The following RBFOX2 variants were observed in gnomAD, a reference collection of about 807,000 sequenced individuals.
RBFOX2 encodes RNA binding fox-1 homolog 2.
In RBFOX2, 10 loss-of-function variants were observed where a neutral mutation model predicts 49.1. The ratio of observed to expected loss-of-function variants is 0.20; its 90% confidence interval spans 0.13 to 0.35. The LOEUF (loss-of-function observed/expected upper bound fraction) is 0.35. Ranked by LOEUF, RBFOX2 falls within the 10% of genes least tolerant of loss-of-function variation. The pLI, the probability that RBFOX2 is intolerant of heterozygous loss-of-function variation, is 1.00. For missense variants in RBFOX2, 323 were observed against 486.9 expected, an observed-to-expected ratio of 0.66 and a Z score of 3.17; for synonymous variants, 183 against 187.4, an observed-to-expected ratio of 0.98 and a Z score of 0.19.
At chr22:35,990,173 CTCTG>C (rs1175185688) in intron 1 of RBFOX2, among the ~76,000 whole-genome samples, 2 of 152,146 alleles carry the variant, frequency 1.3e-5, no homozygotes, top group African/African-American at 4.8e-5. Flanking sequence ...CAGAGTGAGA[CTCTG>C]TCTAAAAACA....
intron 1 of RBFOX2, among the ~76,000 whole-genome samples, chr22:35,966,998 T>C (rs1374250570): frequency 6.7e-6 from 1 of 149,906 alleles, no homozygotes; most frequent in Non-Finnish European, 1.5e-5. Context: ...AAAAAAAAAA[T>C]TGTAGAGATG....
upstream of RBFOX2, among the ~76,000 whole-genome samples, chr22:35,843,028 C>T (rs1223259069): frequency 6.6e-6 from 1 of 152,094 alleles, no homozygotes; most frequent in African/African-American, 2.4e-5. Context: ...CACTGAATGA[C>T]AGGCTCATAG....
intron 1 of RBFOX2, among the ~76,000 whole-genome samples, chr22:36,011,322 A>T (rs1212897336): frequency 1.3e-5 from 2 of 152,114 alleles, no homozygotes; most frequent in Non-Finnish European, 2.9e-5. Context: ...GTGAAAAAAC[A>T]AGAGATGTAG....
At chr22:35,936,898 T>C (rs1395987999) in intron 1 of RBFOX2, among the ~76,000 whole-genome samples, 2 of 152,246 alleles carry the variant, frequency 1.3e-5, no homozygotes, top group East Asian at 3.8e-4. Flanking sequence ...TCTATTTCCA[T>C]ACTTTACATC....
intron 1 of RBFOX2, among the ~76,000 whole-genome samples, chr22:36,022,366 G>A (rs980401103): frequency 1.3e-5 from 2 of 152,136 alleles, no homozygotes; most frequent in African/African-American, 4.8e-5. Context: ...TCACATGTCA[G>A]CGTGATAGTG....
chr22:35,885,193 G>C (rs1200033752), intron 1 of RBFOX2, among the ~76,000 whole-genome samples: 1 of 151,974 alleles, frequency 6.6e-6, no homozygotes, highest in Admixed American at 6.5e-5. Flanking sequence ...GGAGAACACA[G>C]ACACAGCAAC....
chr22:35,893,195 G>A (rs2047451508), intron 1 of RBFOX2, among the ~76,000 whole-genome samples: 1 of 152,232 alleles, frequency 6.6e-6, no homozygotes, highest in South Asian at 2.1e-4. Context: ...AAAGTGACCA[G>A]GGGACTCCCA....
intron 1 of RBFOX2, among the ~76,000 whole-genome samples, chr22:35,980,586 C>A (rs776647071): frequency 1.6e-4 from 19 of 121,266 alleles, no homozygotes; most frequent in Middle Eastern, 0.018. Context: ...GCTTTACCAT[C>A]AATTAGGTGA....
chr22:35,806,022 G>A (rs1328138187), intron 2 of RBFOX2, among the ~76,000 whole-genome samples: 1 of 152,116 alleles, frequency 6.6e-6, no homozygotes, highest in African/African-American at 2.4e-5. Context: ...AGGATTTTTA[G>A]GACAGTGAAA....
chr22:35,872,372 G>A (rs894295706), intron 1 of RBFOX2, among the ~76,000 whole-genome samples: 6 of 152,124 alleles, frequency 3.9e-5, no homozygotes, highest in African/African-American at 1.2e-4. Context: ...TTAGTTTGCC[G>A]TCTATAGGCG....
intron 1 of RBFOX2, among the ~76,000 whole-genome samples, chr22:35,936,763 A>G (rs997913608): frequency 1.3e-5 from 2 of 152,186 alleles, no homozygotes; most frequent in African/African-American, 4.8e-5. Flanking sequence ...AAGTAGGTAC[A>G]ATCAAAGAGA....
intron 4 of RBFOX2, among the ~76,000 whole-genome samples, chr22:35,775,860 A>AAAAAAAAAGAAC (rs1555896239): frequency 2.0e-5 from 3 of 149,128 alleles, no homozygotes; most frequent in African/African-American, 7.5e-5. Context: ...AAAAAAAAAA[A>AAAAAAAAAGAAC]AGAAAAGAAA....
At chr22:35,783,409 CA>C (rs1292803619) in intron 2 of RBFOX2, among the ~76,000 whole-genome samples, 1 of 149,402 alleles carries the variant, frequency 6.7e-6, no homozygotes, top group Non-Finnish European at 1.5e-5. Context: ...AAATATATTA[CA>C]AAATAAAAAC....
At chr22:35,936,215 A>G (rs2053048590) in intron 1 of RBFOX2, among the ~76,000 whole-genome samples, 2 of 150,878 alleles carry the variant, frequency 1.3e-5, no homozygotes, top group Admixed American at 6.6e-5. Context: ...CTGTCTCAAA[A>G]ACCAAACCAA....
intron 9 of RBFOX2, among the ~76,000 whole-genome samples, chr22:35,757,839 T>C (rs1341993683): frequency 6.6e-6 from 1 of 152,106 alleles, no homozygotes; most frequent in East Asian, 1.9e-4. Context: ...GCTGATAAAA[T>C]GGAAAGCACT....
At position 35,967,792 on chromosome 22, in the gene RBFOX2, A is replaced by C. The variant is rs557049746; in HGVS notation, c.187-28895T>G. Among the ~76,000 whole-genome samples the C allele has an allele frequency of 9.2e-5, 14 of 152,350 alleles. No homozygotes were observed. The South Asian group carries it at 1.9e-3, about 20-fold the overall frequency. ...ATTAGTGCTACTGTTTCCAGTACAC[A>C]CATCTAAAATCCGTACCATTTACCA... On this transcript the variant is annotated intron_variant, in intron 1 of 13. Transcript: ENST00000438146.
chr22:35,825,426 GAA>G (rs755318749), intron 1 of RBFOX2, among the ~76,000 whole-genome samples: 29 of 103,964 alleles, frequency 2.8e-4, no homozygotes, highest in Admixed American at 3.9e-4. Flanking sequence ...TTGACTAAGT[GAA>G]AAAAAAAAAA....
intron 1 of RBFOX2, among the ~76,000 whole-genome samples, chr22:35,891,978 A>T (rs2047302744): frequency 6.6e-6 from 1 of 152,222 alleles, no homozygotes; most frequent in Non-Finnish European, 1.5e-5. Context: ...ACAAAAAACT[A>T]GTTTGTGTTT....
chr22:35,897,227 C>T, intron 1 of RBFOX2: 1 of 1,256,966 alleles, frequency 8.0e-7, no homozygotes. Flanking sequence ...CGGGCTGACC[C>T]AAAAGACACC....
Sources: gnomAD v4.1 joint callset for allele counts (sites outside exome capture counted in the v4.1 genomes callset) on GRCh38, gnomAD v4.1.1 for gene constraint, MANE v1.5 for transcripts, NCBI Gene and HGNC (gene_info 2026-07-23, HGNC 2026-07-21) for gene names.